Variants in TSNAXIP1 observed in about 807,000 individuals in gnomAD.
The protein encoded by TSNAXIP1 is translin associated factor X interacting protein 1, also known as translin-associated factor X-interacting protein 1.
A neutral mutation model predicts 84.8 loss-of-function variants in TSNAXIP1; 89 were observed. That is an observed-to-expected ratio of 1.05 (90% CI 0.88 to 1.25). The LOEUF is 1.25. Among genes scored for constraint, TSNAXIP1 ranks in the 50% most tolerant of loss-of-function variants. TSNAXIP1 has a pLI of 0.00. For missense variants in TSNAXIP1, 874 were observed against 887.6 expected, an observed-to-expected ratio of 0.98 and a Z score of 0.20; for synonymous variants, 347 against 335.2, an observed-to-expected ratio of 1.04 and a Z score of -0.39.
intron 2 of TSNAXIP1, among the ~76,000 whole-genome samples, chr16:67,818,835 C>G (rs2056805844): frequency 6.6e-6 from 1 of 151,776 alleles, no homozygotes; most frequent in Non-Finnish European, 1.5e-5. Context: ...TCCGAAATAG[C>G]TGGGATTACA....
intron 5 of TSNAXIP1, among the ~76,000 whole-genome samples, chr16:67,823,973 C>T (rs1160037947): frequency 7.2e-6 from 1 of 139,336 alleles, no homozygotes; most frequent in Non-Finnish European, 1.5e-5. Context: ...GAGTTGAGAT[C>T]ACACCACCGC....
In TSNAXIP1 at chr16:67,824,658, A is replaced by G. The variant is rs2057307780; in HGVS notation, c.557A>G (p.Glu186Gly). ...KLVTVNEDCN[E>G]RILAMRAEEK... is the part of the protein sequence containing the mutation. ...GTCACTGTGAATGAGGACTGCAATG[A>G]GAGGATCCTGGCCATGAGAGCTGAG... Residue 186 changes from glutamate (E) to glycine (G), a missense_variant, in exon 6 of 16, where the codon GAG becomes GGG. Coordinates refer to ENST00000561639, the MANE Select transcript of TSNAXIP1 (RefSeq NM_001288990.3). The G allele has an allele frequency of 1.2e-6, 2 of 1,614,028 alleles. No homozygotes were observed. The highest frequency in any genetic ancestry group is 1.1e-5 in the South Asian group (1 of 91,092).
At chr16:67,810,800 C>T (rs1049623046) in intron 1 of TSNAXIP1, among the ~76,000 whole-genome samples, 3 of 149,500 alleles carry the variant, frequency 2.0e-5, no homozygotes, top group African/African-American at 4.9e-5. Context: ...AGTGCAGTGG[C>T]ATGATCTCAG....
At chr16:67,816,210 G>A (rs1034491752) in intron 2 of TSNAXIP1, among the ~76,000 whole-genome samples, 2 of 151,404 alleles carry the variant, frequency 1.3e-5, no homozygotes, top group South Asian at 2.1e-4. Context: ...CTCGTGATCC[G>A]CCCGCCTCGG....
At chr16:67,813,006 C>T (rs543652520) in intron 1 of TSNAXIP1, among the ~76,000 whole-genome samples, 2 of 152,036 alleles carry the variant, frequency 1.3e-5, no homozygotes, top group South Asian at 2.1e-4. Flanking sequence ...CTGCAACCTC[C>T]GCCTCCCAGA....
chr16:67,816,961 T>C (rs1210986745), intron 2 of TSNAXIP1, among the ~76,000 whole-genome samples: 1 of 151,358 alleles, frequency 6.6e-6, no homozygotes, highest in Non-Finnish European at 1.5e-5. Flanking sequence ...TTTTTTTTTT[T>C]TAATATTAAT....
intron 12 of TSNAXIP1, 34 bp from the exon 13 acceptor site, chr16:67,826,929 G>C (rs995978786): frequency 6.2e-7 from 1 of 1,613,288 alleles, no homozygotes; most frequent in Non-Finnish European, 8.5e-7. Context: ...CCACTCCCAG[G>C]AACAGCAGGT....
At chr16:67,811,211 T>C (rs1163481383) in intron 1 of TSNAXIP1, among the ~76,000 whole-genome samples, 1 of 141,404 alleles carries the variant, frequency 7.1e-6, no homozygotes, top group Admixed American at 6.9e-5. Context: ...CCCAAGCTTT[T>C]TGGATAAGTG....
chr16:67,808,827 A>G (rs979669470), intron 1 of TSNAXIP1, among the ~76,000 whole-genome samples: 1 of 152,122 alleles, frequency 6.6e-6, no homozygotes, highest in African/African-American at 2.4e-5. Context: ...TTAATTTAGT[A>G]AACTGCCATT....
intron 2 of TSNAXIP1, among the ~76,000 whole-genome samples, chr16:67,819,337 G>C (rs899983257): frequency 6.8e-6 from 1 of 147,558 alleles, no homozygotes; most frequent in Non-Finnish European, 1.5e-5. Context: ...TCTGCCTCCC[G>C]AGTTCAAGCG....
chr16:67,814,771 A>G (rs1055752641), intron 2 of TSNAXIP1, among the ~76,000 whole-genome samples: 1 of 152,160 alleles, frequency 6.6e-6, no homozygotes, highest in Non-Finnish European at 1.5e-5. Flanking sequence ...CGGTCACACC[A>G]GATCTGCCAA....
intron 2 of TSNAXIP1, 49 bp from the exon 3 acceptor site, chr16:67,820,789 AG>A (rs753497240): frequency 7.5e-7 from 1 of 1,338,022 alleles, no homozygotes. Context: ...GAGAAACATT[AG>A]GAAGGGGAGC....
chr16:67,820,218 A>T (rs2056931059), intron 2 of TSNAXIP1, among the ~76,000 whole-genome samples: 1 of 151,996 alleles, frequency 6.6e-6, no homozygotes. Flanking sequence ...AGCCTCCGAA[A>T]GTGCTGGGAA....
intron 1 of TSNAXIP1, among the ~76,000 whole-genome samples, chr16:67,811,167 G>T (rs986929277): frequency 1.3e-5 from 2 of 151,476 alleles, no homozygotes; most frequent in Non-Finnish European, 2.9e-5. Flanking sequence ...CTCCCAAAGT[G>T]CTGGGATTAC....
At chr16:67,809,535 A>G (rs1019438428) in intron 1 of TSNAXIP1, among the ~76,000 whole-genome samples, 3 of 151,698 alleles carry the variant, frequency 2.0e-5, no homozygotes, top group Non-Finnish European at 4.4e-5. Context: ...AGGCACAAGA[A>G]TTGCTTGAAC....
chr16:67,812,249 C>T (rs1441970118), intron 1 of TSNAXIP1, among the ~76,000 whole-genome samples: 1 of 152,130 alleles, frequency 6.6e-6, no homozygotes, highest in Non-Finnish European at 1.5e-5. Flanking sequence ...TCCTGTTGGT[C>T]CCCAAATGCC....
chr16:67,823,471 A>G (rs1262753645), intron 4 of TSNAXIP1, among the ~76,000 whole-genome samples, 155 bp from the exon 5 acceptor site: 1 of 152,000 alleles, frequency 6.6e-6, no homozygotes, highest in Non-Finnish European at 1.5e-5. Context: ...TGAACCTGGG[A>G]GGCAGAGGTT....
At chr16:67,821,784 G>C (rs1184080732) in intron 4 of TSNAXIP1, among the ~76,000 whole-genome samples, 1 of 151,986 alleles carries the variant, frequency 6.6e-6, no homozygotes, top group Non-Finnish European at 1.5e-5. Flanking sequence ...GAGGTCAGGA[G>C]TTCAAGACCA....
Position 67,810,130 on chromosome 16 carries a change from C to T in TSNAXIP1, c.47+2934C>T, listed in dbSNP as rs1190059593. Among the ~76,000 whole-genome samples, 3 of 152,116 alleles carry T rather than the reference C, an allele frequency of 2.0e-5. No individual in the cohort carries two copies. The East Asian group carries it at 5.8e-4, about 29-fold the overall frequency. ...ATGATGGATAAGCTAGACCTTAGCA[C>T]TGTGGAACATGTCATCAGGACCCTC... is the stretch of plus-strand genomic sequence containing the variant. On this transcript the variant is annotated intron_variant, in intron 1 of 15. Transcript: ENST00000561639.
Sources: allele counts gnomAD v4.1 joint callset (sites outside exome capture counted in the v4.1 genomes callset), GRCh38; gene constraint gnomAD v4.1.1; transcripts MANE v1.5; gene names NCBI Gene and HGNC (gene_info 2026-07-23, HGNC 2026-07-21).